The following NUBPL variants were observed in gnomAD, a reference collection of about 807,000 sequenced individuals.
NUBPL encodes the protein NUBP iron-sulfur cluster assembly factor, mitochondrial.
NUBPL carries 31 observed loss-of-function variants against 45.7 expected under a neutral mutation model. The observed-to-expected ratio is 0.68, with a 90% CI of 0.51 to 0.92. The LOEUF (loss-of-function observed/expected upper bound fraction) is 0.92. Among genes scored for constraint, NUBPL ranks in the 40% least tolerant of loss-of-function variants. NUBPL has a pLI of 0.00. For missense variants in NUBPL, 401 were observed against 398.7 expected (o/e 1.01, Z -0.05); for synonymous variants, 144 against 140.9 (o/e 1.02, Z -0.15).
chr14:31,676,332 CT>C (rs777091582), intron 6 of NUBPL, among the ~76,000 whole-genome samples: 5 of 151,052 alleles, frequency 3.3e-5, no homozygotes, highest in Admixed American at 6.6e-5. Context: ...CAGGATGTAG[CT>C]TTTTTTTTAT....
chr14:31,640,325 GC>G (rs2035649943), intron 4 of NUBPL, among the ~76,000 whole-genome samples: 1 of 152,040 alleles, frequency 6.6e-6, no homozygotes, highest in Non-Finnish European at 1.5e-5. Flanking sequence ...ACGCTTTGGG[GC>G]CAGGCTTGGT....
intron 9 of NUBPL, 25 bp downstream of exon 9, chr14:31,846,616 T>C (rs1307217765): frequency 1.2e-6 from 2 of 1,612,300 alleles, no homozygotes; most frequent in East Asian, 2.2e-5. Context: ...TGTTCTTTTG[T>C]AGAAGAAGTG....
chr14:31,654,698 T>G (rs114543044), intron 4 of NUBPL, among the ~76,000 whole-genome samples: 1 of 152,136 alleles, frequency 6.6e-6, no homozygotes. Context: ...TGTGAGCCAC[T>G]GTGCCTGCCC....
intron 6 of NUBPL, among the ~76,000 whole-genome samples, chr14:31,733,325 G>A (rs367934027): frequency 1.1e-4 from 16 of 152,126 alleles, no homozygotes; most frequent in African/African-American, 3.9e-4. Context: ...ATTATTTTGG[G>A]CATTTTAGAT....
chr14:31,671,672 C>A (rs537326635), intron 4 of NUBPL, among the ~76,000 whole-genome samples: 4 of 152,212 alleles, frequency 2.6e-5, no homozygotes, highest in African/African-American at 7.2e-5. Flanking sequence ...ATAGTGCTTT[C>A]AAATTAGGTA....
At chr14:31,571,633 A>G (rs1267621254) in intron 3 of NUBPL, among the ~76,000 whole-genome samples, 1 of 151,966 alleles carries the variant, frequency 6.6e-6, no homozygotes, top group Non-Finnish European at 1.5e-5. Context: ...AATTTTTTGT[A>G]GAGACGGGGT....
chr14:31,799,057 C>G (rs570758153), intron 7 of NUBPL, among the ~76,000 whole-genome samples: 2 of 152,062 alleles, frequency 1.3e-5, no homozygotes, highest in African/African-American at 4.8e-5. Flanking sequence ...TAGAAAGAGC[C>G]TTTCTATCAA....
At chr14:31,800,085 G>C (rs1259297467) in intron 7 of NUBPL, among the ~76,000 whole-genome samples, 1 of 151,600 alleles carries the variant, frequency 6.6e-6, no homozygotes, top group African/African-American at 2.4e-5. Flanking sequence ...TTCATAAGGA[G>C]CAATTCCTTA....
At chr14:31,853,100 T>G (rs1286470451) in intron 10 of NUBPL, among the ~76,000 whole-genome samples, 4 of 151,850 alleles carry the variant, frequency 2.6e-5, no homozygotes, top group South Asian at 2.1e-4. Flanking sequence ...TTGTTTTGTT[T>G]TGTTTTGTTT....
At chr14:31,742,321 T>A (rs2038304392) in intron 6 of NUBPL, among the ~76,000 whole-genome samples, 1 of 151,770 alleles carries the variant, frequency 6.6e-6, no homozygotes, top group Non-Finnish European at 1.5e-5. Context: ...CATCCACTTC[T>A]TATCTTTGTC....
intron 6 of NUBPL, among the ~76,000 whole-genome samples, chr14:31,725,740 C>T (rs1411073731): frequency 8.6e-6 from 1 of 116,942 alleles, no homozygotes; most frequent in Non-Finnish European, 1.6e-5. Context: ...ACTTGAGTCT[C>T]ACTCTGTTGC....
intron 6 of NUBPL, among the ~76,000 whole-genome samples, chr14:31,703,985 C>T (rs983925932): frequency 3.3e-5 from 5 of 152,166 alleles, no homozygotes; most frequent in African/African-American, 4.8e-5. Context: ...ACTGGGTCGG[C>T]GAGAAGAGCC....
intron 7 of NUBPL, among the ~76,000 whole-genome samples, chr14:31,799,039 T>C (rs2039528761): frequency 6.6e-6 from 1 of 152,010 alleles, no homozygotes; most frequent in Admixed American, 6.6e-5. Flanking sequence ...TAGAGAAATG[T>C]TGTGAATTAG....
rs34890900 is a variant in NUBPL at position 31,683,352 on chromosome 14, C to CTTTTT, written c.513+9797_513+9801dup. On this transcript the variant is annotated intron_variant, in intron 6 of 10. Coordinates refer to ENST00000281081, the MANE Select transcript of NUBPL (RefSeq NM_025152.3). The stretch of plus-strand genomic sequence containing the variant: ...CTTTTAAGCTAGTTAATAAAACAAT[C>CTTTTT]TTTTTTTTTTTTTTTTTTTTTTTGT... 3.2e-3 allele frequency among the ~76,000 whole-genome samples: 291 copies of CTTTTT among 91,048 alleles called. 4 individuals carry two copies. Among genetic ancestry groups the CTTTTT allele is most frequent in the Middle Eastern group, 0.011 (1 of 92 alleles). The allele number at this position is 91,048 out of a possible 152,430, so 59.7% of individuals were successfully genotyped here.
intron 6 of NUBPL, among the ~76,000 whole-genome samples, chr14:31,718,493 G>T (rs1011974952): frequency 7.2e-5 from 11 of 152,136 alleles, no homozygotes; most frequent in African/African-American, 2.4e-4. Flanking sequence ...CAGAAATGTT[G>T]GTGTAAGATT....
At chr14:31,734,811 G>A (rs925299993) in intron 6 of NUBPL, among the ~76,000 whole-genome samples, 1 of 152,162 alleles carries the variant, frequency 6.6e-6, no homozygotes, top group African/African-American at 2.4e-5. Context: ...TAATGGGTCT[G>A]TAGATATTCA....
intron 4 of NUBPL, among the ~76,000 whole-genome samples, chr14:31,615,433 T>C (rs751770649): frequency 2.6e-5 from 4 of 152,166 alleles, no homozygotes; most frequent in Non-Finnish European, 5.9e-5. Context: ...CTCCTAATGC[T>C]ATCCCTACCC....
At chr14:31,645,054 A>G (rs1595426090) in intron 4 of NUBPL, among the ~76,000 whole-genome samples, 1 of 138,864 alleles carries the variant, frequency 7.2e-6, no homozygotes, top group East Asian at 2.0e-4. Context: ...TGTGAGGTGC[A>G]TTTCTTTTTC....
At chr14:31,666,263 A>ATATATATATATATATATATTTATTTATT in intron 4 of NUBPL, among the ~76,000 whole-genome samples, 3 of 111,880 alleles carry the variant, frequency 2.7e-5, no homozygotes, top group East Asian at 3.3e-4. Context: ...ATATATATAT[A>ATATATATATATATATATATTTATTTATT]ATTTTATTTT....
Sources: gnomAD v4.1 joint callset for allele counts (sites outside exome capture counted in the v4.1 genomes callset) on GRCh38, gnomAD v4.1.1 for gene constraint, MANE v1.5 for transcripts, NCBI Gene and HGNC (gene_info 2026-07-23, HGNC 2026-07-21) for gene names.